Variants in CUX1 observed in about 807,000 individuals in gnomAD.
The protein encoded by CUX1 is cut like homeobox 1.
In CUX1, 31 loss-of-function variants were observed where a neutral mutation model predicts 158.8. The observed-to-expected ratio is 0.20, with a 90% CI of 0.15 to 0.26. CUX1 has a LOEUF of 0.26. CUX1 is among the 10% of genes least tolerant of loss of function. The pLI is 1.00. For missense variants in CUX1, 1,589 were observed against 2,014.6 expected (o/e 0.79, Z 4.04); for synonymous variants, 879 against 862.1 (o/e 1.02, Z -0.34).
intron 1 of CUX1, among the ~76,000 whole-genome samples, chr7:101,872,627 C>A (rs60464978): frequency 9.3e-5 from 14 of 150,410 alleles, no homozygotes; most frequent in Non-Finnish European, 1.8e-4. Flanking sequence ...TTTCTGTATG[C>A]GTGAAATATT....
At chr7:101,823,806 A>G (rs558211022) in intron 1 of CUX1, among the ~76,000 whole-genome samples, 1 of 152,358 alleles carries the variant, frequency 6.6e-6, no homozygotes, top group South Asian at 2.1e-4. Flanking sequence ...GAGTATTGCG[A>G]AACAGTGAGA....
intron 4 of CUX1, among the ~76,000 whole-genome samples, chr7:102,077,051 A>T (rs1024798525): frequency 1.3e-5 from 2 of 150,892 alleles, no homozygotes; most frequent in Non-Finnish European, 3.0e-5. Context: ...AAAAAAAAAA[A>T]TTAGAAAAAA....
At chr7:102,002,018 G>T (rs1216130214) in intron 2 of CUX1, among the ~76,000 whole-genome samples, 2 of 152,238 alleles carry the variant, frequency 1.3e-5, no homozygotes, top group Non-Finnish European at 2.9e-5. Flanking sequence ...AGTAAGCTGG[G>T]CACGGTGGCT....
At chr7:101,935,870 G>A (rs1036925664) in intron 2 of CUX1, among the ~76,000 whole-genome samples, 5 of 152,198 alleles carry the variant, frequency 3.3e-5, no homozygotes, top group Non-Finnish European at 7.3e-5. Flanking sequence ...ATTTCCAGCC[G>A]AAGTTACACT....
At chr7:101,825,921 G>A (rs898379312) in intron 1 of CUX1, among the ~76,000 whole-genome samples, 9 of 152,080 alleles carry the variant, frequency 5.9e-5, no homozygotes, top group Admixed American at 2.6e-4. Flanking sequence ...GAAACAGGTC[G>A]CAATCCATTA....
At chr7:101,896,742 TA>T (rs763530683) in intron 1 of CUX1, among the ~76,000 whole-genome samples, 6 of 152,216 alleles carry the variant, frequency 3.9e-5, no homozygotes, top group Admixed American at 6.5e-5. Context: ...TTAGCTTGAT[TA>T]AAAATAAATG....
intron 3 of CUX1, among the ~76,000 whole-genome samples, chr7:102,066,740 C>A (rs1431279218): frequency 6.6e-6 from 1 of 152,214 alleles, no homozygotes; most frequent in Non-Finnish European, 1.5e-5. Context: ...AGAAGAGCCC[C>A]AGGTTGCGTT....
intron 2 of CUX1, among the ~76,000 whole-genome samples, chr7:102,026,819 A>T (rs1429932562): frequency 3.2e-4 from 5 of 15,866 alleles, no homozygotes; most frequent in African/African-American, 2.9e-3. Context: ...CTCCGTCTTT[A>T]AAAAAAAAAA....
chr7:102,196,803 C>G lies in CUX1; in HGVS notation c.1392C>G (p.Ser464=). 6.2e-7 allele frequency: 1 copy of G among 1,614,162 alleles called. No individual in the cohort carries two copies. The highest frequency in any genetic ancestry group is 8.5e-7 in the Non-Finnish European group (1 of 1,180,040). Residue 464 remains serine (S), a synonymous_variant, in exon 15 of 24, where the codon TCC becomes TCG. Transcript: ENST00000292535. ...AGLSQDFFSS[S]LASPSLPLAS... is the part of the protein sequence containing the mutation. Reference sequence around the variant, plus strand: ...TAAGTCAAGACTTTTTCAGCTCATCCCTGGCAAGCCCCAGCCTACCCCTGG... The same window carrying G: ...TAAGTCAAGACTTTTTCAGCTCATCGCTGGCAAGCCCCAGCCTACCCCTGG...
At chr7:102,266,873 G>A (rs551065671) in intron 14 of CUX1, among the ~76,000 whole-genome samples, 9 of 152,314 alleles carry the variant, frequency 5.9e-5, no homozygotes, top group South Asian at 2.1e-4. Flanking sequence ...GGAATTAGAC[G>A]CTTGAGAAGA....
Position 102,165,988 on chromosome 7 carries a change from G to C in CUX1, c.724-4458G>C, listed in dbSNP as rs1175016172. ...TGCTACCTCCCAGGTGACTGCTGAG[G>C]GGAGGCAGAGTTTAACCTGATGCCA... On this transcript the variant is annotated intron_variant, in intron 9 of 23. Coordinates refer to ENST00000292535, the MANE Select transcript of CUX1 (RefSeq NM_181552.4). Among the ~76,000 whole-genome samples, 3 of 152,314 alleles carry C rather than the reference G, an allele frequency of 2.0e-5. No homozygotes were observed. The East Asian group carries it at 5.8e-4, about 29-fold the overall frequency.
intron 3 of CUX1, among the ~76,000 whole-genome samples, chr7:102,048,565 A>C (rs889589247): frequency 6.6e-6 from 1 of 152,222 alleles, no homozygotes. Context: ...ACAATGGCTC[A>C]TGCCTGTAAT....
At chr7:102,102,931 G>GT (rs1215868585) in intron 5 of CUX1, among the ~76,000 whole-genome samples, 1 of 151,956 alleles carries the variant, frequency 6.6e-6, no homozygotes, top group African/African-American at 2.4e-5. Flanking sequence ...TGGCATAGGC[G>GT]TATCTGGAGG....
At chr7:102,010,645 G>A (rs1817893065) in intron 2 of CUX1, among the ~76,000 whole-genome samples, 1 of 152,176 alleles carries the variant, frequency 6.6e-6, no homozygotes, top group Non-Finnish European at 1.5e-5. Flanking sequence ...ATATGTGTGT[G>A]CATAGGGACA....
At position 102,252,052 on chromosome 7, in the gene CUX1, T is replaced by C. The variant is rs890619689; in HGVS notation, c.*3010T>C. The C allele has an allele frequency of 6.1e-6, 6 of 985,344 alleles. No individual in the cohort carries two copies. In the Admixed American group the frequency reaches 2.5e-4, roughly 40 times the overall value. The allele number at this position is 985,344 out of a possible 1,614,324, so 61.0% of individuals were successfully genotyped here. A position where few individuals can be genotyped will look rare whatever the true frequency, so the allele number is the denominator to read the frequency against. On this transcript the variant is annotated 3_prime_UTR_variant, in exon 24 of 24. Transcript: ENST00000292535. ...CTGTCTTTTTTGCCAGACTTACATC[T>C]GGTGCCAGATACAATCAGTTGGTTA... is the stretch of plus-strand genomic sequence containing the variant.
At chr7:102,087,753 G>A (rs979483567) in intron 4 of CUX1, among the ~76,000 whole-genome samples, 6 of 151,722 alleles carry the variant, frequency 4.0e-5, no homozygotes, top group Middle Eastern at 6.8e-3. Context: ...TATAATACAT[G>A]GTTACTATTT....
intron 3 of CUX1, among the ~76,000 whole-genome samples, chr7:102,066,502 A>T (rs562127027): frequency 9.9e-5 from 15 of 152,194 alleles, no homozygotes; most frequent in Non-Finnish European, 1.6e-4. Context: ...TAACCCAAAC[A>T]GGAGACAGGA....
chr7:102,178,393 C>T lies in CUX1; in HGVS notation c.829-76C>T, dbSNP rs578229700. 2.9e-6 allele frequency: 4 copies of T among 1,363,272 alleles called. No homozygotes were observed. The Admixed American group carries it at 8.6e-5, about 29-fold the overall frequency. The allele number at this position is 1,363,272 out of a possible 1,614,324, so 84.4% of individuals were successfully genotyped here. ...ACTGACATCTGTGCAGCTTCTGTCTCAGTTGCCAGCACAGGTAGCCTCGAG... is the reference window on the plus strand; with the variant it reads ...ACTGACATCTGTGCAGCTTCTGTCTTAGTTGCCAGCACAGGTAGCCTCGAG... On this transcript the variant is annotated intron_variant, in intron 10 of 23. Transcript: ENST00000292535.
intron 3 of CUX1, among the ~76,000 whole-genome samples, chr7:102,035,527 G>A (rs959489708): frequency 1.3e-5 from 2 of 151,340 alleles, no homozygotes; most frequent in Non-Finnish European, 2.9e-5. Flanking sequence ...TTTTTCAAGT[G>A]AGCCTCAATT....
Sources: gnomAD v4.1 joint callset for allele counts (sites outside exome capture counted in the v4.1 genomes callset) on GRCh38, gnomAD v4.1.1 for gene constraint, MANE v1.5 for transcripts, NCBI Gene and HGNC (gene_info 2026-07-23, HGNC 2026-07-21) for gene names.